Variants in BLMH observed in about 807,000 individuals in gnomAD.
BLMH encodes the protein bleomycin hydrolase.
BLMH carries 32 observed loss-of-function variants against 61.6 expected under a neutral mutation model. That is an observed-to-expected ratio of 0.52 (90% CI 0.39 to 0.70). BLMH has a LOEUF of 0.70. Ranked by LOEUF, BLMH falls within the 30% of genes least tolerant of loss-of-function variation. The probability of loss-of-function intolerance (pLI) is 0.00; values close to 1 mark genes in which losing one functional copy is unlikely to be tolerated. For missense variants in BLMH, 460 were observed against 555.5 expected (o/e 0.83, Z 1.73); for synonymous variants, 183 against 193.8 (o/e 0.94, Z 0.46).
intron 11 of BLMH, among the ~76,000 whole-genome samples, chr17:30,257,082 C>T (rs1907836882): frequency 6.6e-6 from 1 of 152,190 alleles, no homozygotes; most frequent in Non-Finnish European, 1.5e-5. Flanking sequence ...GGACTTCATC[C>T]TATAGATACA....
chr17:30,285,688 C>T (rs1908708221), intron 5 of BLMH: 1 of 438,592 alleles, frequency 2.3e-6, no homozygotes, highest in Admixed American at 4.3e-5. Flanking sequence ...ATAAGTTACT[C>T]CTCCAAAATA....
At position 30,255,617 on chromosome 17, in the gene BLMH, C is replaced by T. The variant is rs60309844; in HGVS notation, c.1217-6449G>A. The stretch of plus-strand genomic sequence containing the variant: ...GTTCATTTTTTAAGAGACAAGGTCT[C>T]GCCAGGCACGGTGGCTCATGCCTGT... On this transcript the variant is annotated intron_variant, in intron 11 of 11. Coordinates refer to ENST00000261714, the MANE Select transcript of BLMH (RefSeq NM_000386.4). Among the ~76,000 whole-genome samples the T allele has an allele frequency of 6.3e-3, 962 of 152,144 alleles. 11 individuals are homozygous for T. The highest frequency in any genetic ancestry group is 0.021 in the African/African-American group (886 of 41,512).
intron 6 of BLMH, among the ~76,000 whole-genome samples, chr17:30,281,711 A>T (rs1035402382): frequency 1.3e-5 from 2 of 152,166 alleles, no homozygotes; most frequent in Admixed American, 6.5e-5. Flanking sequence ...CTGTCACTCA[A>T]GCTGGAGTGC....
chr17:30,265,170 G>A (rs1227420490), intron 11 of BLMH, among the ~76,000 whole-genome samples: 1 of 152,194 alleles, frequency 6.6e-6, no homozygotes, highest in Non-Finnish European at 1.5e-5. Flanking sequence ...CTGGGCTGCT[G>A]AGTATCACAG....
At chr17:30,277,882 G>C (rs1908464785) in intron 6 of BLMH, among the ~76,000 whole-genome samples, 3 of 152,042 alleles carry the variant, frequency 2.0e-5, no homozygotes. Context: ...TTATAAATCT[G>C]AATTTTAATA....
chr17:30,279,477 AT>A (rs1420311545), intron 6 of BLMH, among the ~76,000 whole-genome samples: 1 of 152,250 alleles, frequency 6.6e-6, no homozygotes, highest in East Asian at 1.9e-4. Flanking sequence ...TGGATTATAT[AT>A]AGTCCCTTTC....
At chr17:30,281,560 G>A (rs1908592362) in intron 6 of BLMH, among the ~76,000 whole-genome samples, 1 of 152,050 alleles carries the variant, frequency 6.6e-6, no homozygotes, top group African/African-American at 2.4e-5. Flanking sequence ...TTTCCTATCT[G>A]TAAGTTCACC....
chr17:30,276,716 T>C (rs1470552896), intron 6 of BLMH, among the ~76,000 whole-genome samples: 4 of 152,246 alleles, frequency 2.6e-5, no homozygotes, highest in African/African-American at 9.6e-5. Context: ...CTTTTTAACT[T>C]AGGCAAAACA....
intron 6 of BLMH, among the ~76,000 whole-genome samples, chr17:30,283,507 T>C (rs983719518): frequency 1.4e-5 from 2 of 148,090 alleles, no homozygotes; most frequent in African/African-American, 4.9e-5. Context: ...TCATTCCTAC[T>C]ATACCTCCAT....
intron 7 of BLMH, 56 bp from the exon 8 acceptor site, chr17:30,272,955 A>G: frequency 6.4e-7 from 1 of 1,570,382 alleles, no homozygotes; most frequent in Non-Finnish European, 8.7e-7. Flanking sequence ...GTCAAGCAAC[A>G]CACAGCTCTC....
intron 6 of BLMH, among the ~76,000 whole-genome samples, chr17:30,278,498 T>C (rs191715007): frequency 3.2e-4 from 48 of 152,354 alleles, no homozygotes; most frequent in African/African-American, 9.4e-4. Context: ...CTTTTCTCCA[T>C]TGCACTTATC....
chr17:30,261,407 A>C (rs544990610), intron 11 of BLMH, among the ~76,000 whole-genome samples: 2 of 152,362 alleles, frequency 1.3e-5, no homozygotes, highest in South Asian at 4.1e-4. Context: ...TCACGAAGCA[A>C]GATGCCCTGT....
At chr17:30,259,059 TCA>T (rs1205192644) in intron 11 of BLMH, among the ~76,000 whole-genome samples, 1 of 152,192 alleles carries the variant, frequency 6.6e-6, no homozygotes, top group African/African-American at 2.4e-5. Context: ...TAAGGAGGCC[TCA>T]CAGTTCCAGT....
At chr17:30,274,291 A>G (rs1908359981) in intron 6 of BLMH, 94 bp from the exon 7 acceptor site, 7 of 1,388,698 alleles carry the variant, frequency 5.0e-6, no homozygotes, top group Non-Finnish European at 6.8e-6. Context: ...AAACACAAGA[A>G]GTTAGTGGCT....
intron 11 of BLMH, among the ~76,000 whole-genome samples, chr17:30,256,723 G>GAA (rs577745264): frequency 8.6e-6 from 1 of 116,848 alleles, no homozygotes; most frequent in African/African-American, 3.2e-5. Context: ...CTATTATAAT[G>GAA]AAAAAAAAAA....
chr17:30,275,084 G>A (rs541637218), intron 6 of BLMH, among the ~76,000 whole-genome samples: 1 of 151,866 alleles, frequency 6.6e-6, no homozygotes, highest in South Asian at 2.1e-4. Flanking sequence ...AGGCGTGGTG[G>A]CCTGTGCCTG....
At chr17:30,264,749 C>T (rs1048668577) in intron 11 of BLMH, among the ~76,000 whole-genome samples, 9 of 152,098 alleles carry the variant, frequency 5.9e-5, no homozygotes, top group African/African-American at 2.2e-4. Context: ...CAAATTAGAC[C>T]AGAAATGAAA....
intron 6 of BLMH, among the ~76,000 whole-genome samples, chr17:30,277,829 T>C (rs1429958462): frequency 1.3e-5 from 2 of 152,260 alleles, no homozygotes; most frequent in African/African-American, 2.4e-5. Flanking sequence ...AATTCTATAG[T>C]GAGTCCTTTT....
chr17:30,276,838 C>A (rs1280477381), intron 6 of BLMH, among the ~76,000 whole-genome samples: 1 of 152,222 alleles, frequency 6.6e-6, no homozygotes, highest in Non-Finnish European at 1.5e-5. Context: ...TCTGGAGGTT[C>A]TCTGGCTCCT....
Sources: gnomAD v4.1 joint callset for allele counts (sites outside exome capture counted in the v4.1 genomes callset) on GRCh38, gnomAD v4.1.1 for gene constraint, MANE v1.5 for transcripts, NCBI Gene and HGNC (gene_info 2026-07-23, HGNC 2026-07-21) for gene names.